GRIK4: variants seen among roughly 807,000 people sequenced by gnomAD.
The protein encoded by GRIK4 is glutamate ionotropic receptor kainate type subunit 4.
In GRIK4, 40 loss-of-function variants were observed where a neutral mutation model predicts 104.9. The observed-to-expected ratio is 0.38, with a 90% CI of 0.30 to 0.50. GRIK4 has a LOEUF of 0.50. GRIK4 is among the 20% of genes least tolerant of loss of function. GRIK4 has a pLI of 0.93. For synonymous variants in GRIK4, 485 were observed against 524.9 expected (o/e 0.92, Z 1.04); for missense variants, 1,047 against 1,308.1 (o/e 0.80, Z 3.08).
intron 4 of GRIK4, among the ~76,000 whole-genome samples, chr11:120,806,865 C>T (rs769582950): frequency 4.6e-5 from 7 of 152,250 alleles, no homozygotes; most frequent in South Asian, 2.1e-4. Context: ...AAGTATCACA[C>T]GGGGCATTAA....
intron 9 of GRIK4, chr11:120,868,168 G>A (rs970810176): frequency 2.0e-4 from 30 of 152,186 alleles, no homozygotes; most frequent in Admixed American, 1.1e-3. Flanking sequence ...TGTCATGGGA[G>A]GGGGAAGGAA....
Position 120,986,020 on chromosome 11 carries a change from G to C in GRIK4, c.2631G>C (p.Glu877Asp). ...CGCCGCCCCGGCCCCCCATCCCCGA[G>C]GAGCGCCGACCGCGGGGCACGGCGA... ...AVPPPRPPIP[E>D]ERRPRGTATL... Residue 877 changes from glutamate (E) to aspartate (D), a missense_variant, in exon 21 of 21, where the codon GAG (glutamate) becomes GAC (aspartate). By Grantham distance (45) the Glu-to-Asp change is conservative. Around this residue, in one of 3 missense-constraint regions of GRIK4, gnomAD observed 160 missense variants for 140.9 expected, o/e 1.14. Transcript: ENST00000527524. 1 of 1,526,726 alleles carries C rather than the reference G, an allele frequency of 6.5e-7. No individual in the cohort carries two copies. The highest frequency in any genetic ancestry group is 1.2e-5 in the South Asian group (1 of 81,988). The allele number at this position is 1,526,726 out of a possible 1,614,324, so 94.6% of individuals were successfully genotyped here. A position where few individuals can be genotyped will look rare whatever the true frequency, so the allele number is the denominator to read the frequency against.
At chr11:120,575,253 T>C (rs919851748) in intron 1 of GRIK4, among the ~76,000 whole-genome samples, 8 of 152,088 alleles carry the variant, frequency 5.3e-5, no homozygotes, top group African/African-American at 1.9e-4. Context: ...TCCACTTAGC[T>C]CAGTCTGTGG....
intron 11 of GRIK4, among the ~76,000 whole-genome samples, chr11:120,888,070 C>T (rs1472676137): frequency 2.6e-5 from 4 of 152,160 alleles, no homozygotes; most frequent in Non-Finnish European, 4.4e-5. Context: ...GCTTTATTTA[C>T]GTATCCTCTT....
intron 3 of GRIK4, among the ~76,000 whole-genome samples, chr11:120,681,250 G>A: frequency 6.6e-6 from 1 of 152,146 alleles, no homozygotes; most frequent in Non-Finnish European, 1.5e-5. Flanking sequence ...TGGTGACCAG[G>A]AAAGCTCAGG....
At chr11:120,596,264 A>G (rs1301669099) in intron 1 of GRIK4, among the ~76,000 whole-genome samples, 4 of 152,262 alleles carry the variant, frequency 2.6e-5, no homozygotes, top group Non-Finnish European at 5.9e-5. Flanking sequence ...TGTGTCACAC[A>G]TTGTGTGAAG....
At chr11:120,558,962 G>A (rs1316871749) in intron 1 of GRIK4, among the ~76,000 whole-genome samples, 1 of 152,116 alleles carries the variant, frequency 6.6e-6, no homozygotes, top group Non-Finnish European at 1.5e-5. Context: ...TGATGCTGAA[G>A]GGCACTCATA....
chr11:120,626,982 A>C (rs1032928750), intron 1 of GRIK4, among the ~76,000 whole-genome samples: 1 of 152,216 alleles, frequency 6.6e-6, no homozygotes, highest in South Asian at 2.1e-4. Context: ...AACTGACTCC[A>C]CGGAGGCCCG....
chr11:120,972,309 G>A (rs997354774), intron 19 of GRIK4, among the ~76,000 whole-genome samples: 3 of 152,198 alleles, frequency 2.0e-5, no homozygotes, highest in African/African-American at 7.2e-5. Context: ...CTGAGCTCTT[G>A]GCGGCATTCA....
In GRIK4 at chr11:120,803,429, A is replaced by G. The variant is rs576765250; in HGVS notation, c.247+572A>G. ...TCTTGCAGGTTGTTAGGTTGTTGTG[A>G]GGTGTTTTTTTGTTTTTGTTTTTTT... On this transcript the variant is annotated intron_variant, in intron 4 of 20. Coordinates refer to ENST00000527524, the MANE Select transcript of GRIK4 (RefSeq NM_014619.5). Among the ~76,000 whole-genome samples the G allele has an allele frequency of 5.3e-5, 8 of 152,094 alleles. No homozygotes were observed. In the South Asian group the frequency reaches 1.7e-3, roughly 32 times the overall value.
intron 1 of GRIK4, among the ~76,000 whole-genome samples, chr11:120,640,600 A>G (rs920736429): frequency 2.0e-5 from 3 of 152,312 alleles, no homozygotes; most frequent in African/African-American, 7.2e-5. Context: ...GGTTTTATGC[A>G]AAATTCCAAG....
rs201196928 is a variant in GRIK4, at chr11:120,711,005, G to GGC, written c.82+50606_82+50607insCG. ...CGCTTGCCCCTGTGAGGTGGGGAGGGGGTGTGAGCAGCTGCAGGGCCCTGC... is the reference window on the plus strand; with the variant it reads ...CGCTTGCCCCTGTGAGGTGGGGAGGGGCGGTGTGAGCAGCTGCAGGGCCCTGC... On this transcript the variant is annotated intron_variant, in intron 3 of 20. Transcript: ENST00000527524. Among the ~76,000 whole-genome samples the GGC allele has an allele frequency of 2.7e-5, 4 of 150,138 alleles. No homozygotes were observed. In the South Asian group the frequency reaches 6.5e-4, roughly 24 times the overall value.
rs56807699 is a variant in GRIK4 at position 120,897,601 on chromosome 11, C to CAAAAAAA, written c.1165-911_1165-905dup. Among the ~76,000 whole-genome samples, 24 of 13,058 alleles carry CAAAAAAA rather than the reference C, an allele frequency of 1.8e-3. 3 individuals are homozygous for CAAAAAAA. The highest frequency in any genetic ancestry group is 2.4e-3 in the African/African-American group (13 of 5,436). The allele number at this position is 13,058 out of a possible 152,430, so 8.6% of individuals were successfully genotyped here. A position where few individuals can be genotyped will look rare whatever the true frequency, so the allele number is the denominator to read the frequency against. ...TGGGTGACAGAACAAGACTCCTTCT[C>CAAAAAAA]AAAAAAAAAAAAAAAAAAAAAAAAA... On this transcript the variant is annotated intron_variant, in intron 11 of 20. Transcript: ENST00000527524.
chr11:120,568,600 C>G (rs2135068094), intron 1 of GRIK4, among the ~76,000 whole-genome samples: 1 of 152,274 alleles, frequency 6.6e-6, no homozygotes, highest in South Asian at 2.1e-4. Context: ...GTCAGCCAGG[C>G]TGGTCTTGAA....
chr11:120,740,584 G>A (rs1010662772), intron 3 of GRIK4, among the ~76,000 whole-genome samples: 2 of 152,200 alleles, frequency 1.3e-5, no homozygotes, highest in East Asian at 3.9e-4. Context: ...AAGTGATCCA[G>A]CATTGCCTGG....
chr11:120,880,184 G>A (rs1954929064), intron 11 of GRIK4, among the ~76,000 whole-genome samples: 2 of 152,168 alleles, frequency 1.3e-5, no homozygotes, highest in Admixed American at 6.5e-5. Flanking sequence ...ACCTCCCAGC[G>A]TTTGACCTGG....
intron 4 of GRIK4, among the ~76,000 whole-genome samples, chr11:120,813,044 T>A (rs1261411339): frequency 6.6e-6 from 1 of 152,052 alleles, no homozygotes. Flanking sequence ...AGGATGAGAA[T>A]GGATAACAGG....
Position 120,683,090 on chromosome 11 carries a change from G to T in GRIK4, c.82+22690G>T, listed in dbSNP as rs550939337. 7.2e-5 allele frequency among the ~76,000 whole-genome samples: 11 copies of T among 152,198 alleles called. 1 individual carries two copies. In the South Asian group the frequency reaches 2.3e-3, roughly 32 times the overall value. ...TTACTCACTGGTCTTTCCTGGGCTT[G>T]CTGCCCTGGTTTAAGAGCATTGACT... is the stretch of plus-strand genomic sequence containing the variant. On this transcript the variant is annotated intron_variant, in intron 3 of 20. Coordinates refer to ENST00000527524, the MANE Select transcript of GRIK4 (RefSeq NM_014619.5).
At chr11:120,668,106 GATAGATA>G (rs1949948905) in intron 3 of GRIK4, among the ~76,000 whole-genome samples, 1 of 56,590 alleles carries the variant, frequency 1.8e-5, no homozygotes, top group African/African-American at 5.5e-5. Flanking sequence ...TAGATGGATA[GATAGATA>G]GATAGATAGA....
Sources: gnomAD v4.1 joint callset for allele counts (sites outside exome capture counted in the v4.1 genomes callset) on GRCh38, gnomAD v4.1.1 for gene constraint, gnomAD v4.1.1 regional missense constraint, MANE v1.5 for transcripts, NCBI Gene and HGNC (gene_info 2026-07-23, HGNC 2026-07-21) for gene names.